LUZP1: variants seen among roughly 807,000 people sequenced by gnomAD.
LUZP1 encodes leucine zipper protein 1.
LUZP1 carries 25 observed loss-of-function variants against 71.3 expected under a neutral mutation model. The ratio of observed to expected loss-of-function variants is 0.35; its 90% CI spans 0.26 to 0.49. The LOEUF is 0.49. Among genes scored for constraint, LUZP1 ranks in the 20% least tolerant of loss-of-function variants. The probability of loss-of-function intolerance (pLI) is 0.99; values close to 1 mark genes in which losing one functional copy is unlikely to be tolerated. For synonymous variants in LUZP1, 481 were observed against 506.4 expected (o/e 0.95, Z 0.67); for missense variants, 1,142 against 1,300.8 (o/e 0.88, Z 1.88).
At chr1:23,143,235 C>T (rs536838766) in intron 2 of LUZP1, among the ~76,000 whole-genome samples, 1 of 152,086 alleles carries the variant, frequency 6.6e-6, no homozygotes, top group South Asian at 2.1e-4. Context: ...TCTCTAACTC[C>T]TTACCTCGTG....
chr1:23,134,357 C>T (rs1557668229), intron 2 of LUZP1, among the ~76,000 whole-genome samples: 1 of 151,888 alleles, frequency 6.6e-6, no homozygotes, highest in Non-Finnish European at 1.5e-5. Context: ...TGGTGCACGT[C>T]TGCAGACCCA....
chr1:23,166,653 CAAAA>C lies in LUZP1; in HGVS notation c.-226+2109_-226+2112del, dbSNP rs538327046. On this transcript the variant is annotated intron_variant, in intron 2 of 4. Transcript: ENST00000302291. ...CTGGGTGACACAGAGCACTCCGTCT[CAAAA>C]AAAAAAAAAAAAAAAAAAAAGGGAT... Among the ~76,000 whole-genome samples the C allele has an allele frequency of 1.8e-3, 126 of 70,870 alleles. 1 individual carries two copies. Among genetic ancestry groups the C allele is most frequent in the East Asian group, 0.012 (29 of 2,518 alleles). The allele number at this position is 70,870 out of a possible 152,430, so 46.5% of individuals were successfully genotyped here. A position where few individuals can be genotyped will look rare whatever the true frequency, so the allele number is the denominator to read the frequency against.
At chr1:23,118,180 T>C (rs1456831291) in intron 2 of LUZP1, among the ~76,000 whole-genome samples, 2 of 151,666 alleles carry the variant, frequency 1.3e-5, no homozygotes, top group African/African-American at 4.9e-5. Context: ...AGTGGGTGGA[T>C]CACTTGAGGT....
chr1:23,139,019 A>AAAAATATAT (rs1317355746), intron 2 of LUZP1, among the ~76,000 whole-genome samples: 90 of 59,936 alleles, frequency 1.5e-3, no homozygotes, highest in African/African-American at 1.9e-3. Context: ...AAAAAAAAAA[A>AAAAATATAT]ATATATATAT....
chr1:23,162,479 C>T (rs1379950703), intron 2 of LUZP1, among the ~76,000 whole-genome samples: 8 of 150,570 alleles, frequency 5.3e-5, no homozygotes, highest in Non-Finnish European at 7.4e-5. Context: ...CGCTCTGTTG[C>T]CCAGGCTGGA....
chr1:23,116,267 G>GCTA lies in LUZP1; in HGVS notation c.-225-7143_-225-7141dup, dbSNP rs775570184. 2.7e-4 allele frequency among the ~76,000 whole-genome samples: 41 copies of GCTA among 152,280 alleles called. No individual in the cohort carries two copies. In the Middle Eastern group the frequency reaches 0.02, roughly 76 times the overall value. On this transcript the variant is annotated intron_variant, in intron 2 of 4. Transcript: ENST00000302291. ...GTGGTGGCGTATGCCTGTAGTCCCA[G>GCTA]CTACTCGGGTGGCTGAAGTGGGAGG...
At chr1:23,172,633 G>A (rs1413571068) in intron 1 of LUZP1, among the ~76,000 whole-genome samples, 1 of 151,412 alleles carries the variant, frequency 6.6e-6, no homozygotes, top group Non-Finnish European at 1.5e-5. Context: ...TCCTGCTTCA[G>A]CCTCCCGAGT....
intron 3 of LUZP1, among the ~76,000 whole-genome samples, chr1:23,097,045 G>T (rs913643386): frequency 8.5e-5 from 13 of 152,288 alleles, no homozygotes; most frequent in Admixed American, 5.9e-4. Context: ...AGCAGGTTTA[G>T]TGTCTGCTGA....
intron 3 of LUZP1, among the ~76,000 whole-genome samples, chr1:23,100,055 T>C (rs780670856): frequency 1.3e-5 from 2 of 152,216 alleles, no homozygotes; most frequent in Non-Finnish European, 2.9e-5. Flanking sequence ...TGGGCCTCTC[T>C]TTTTTGCTTT....
intron 2 of LUZP1, among the ~76,000 whole-genome samples, chr1:23,127,291 G>A (rs896848282): frequency 2.6e-5 from 4 of 152,086 alleles, no homozygotes; most frequent in Non-Finnish European, 5.9e-5. Context: ...TAATTAGCAG[G>A]GCTGGGATTT....
chr1:23,142,698 TATACACACACACACACACACACACAC>T (rs11275986), intron 2 of LUZP1, among the ~76,000 whole-genome samples: 21,619 of 101,452 alleles, frequency 0.21, 1,689 homozygotes, highest in African/African-American at 0.27. Flanking sequence ...TATATATATA[TATACACACACACACACACACACACAC>T]ACACACACAC....
At chr1:23,132,702 T>C (rs1438299078) in intron 2 of LUZP1, among the ~76,000 whole-genome samples, 1 of 152,098 alleles carries the variant, frequency 6.6e-6, no homozygotes, top group African/African-American at 2.4e-5. Context: ...TTGTGATATA[T>C]ATAGAGACAC....
chr1:23,134,265 G>C (rs936905407), intron 2 of LUZP1, among the ~76,000 whole-genome samples: 1 of 152,134 alleles, frequency 6.6e-6, no homozygotes, highest in Non-Finnish European at 1.5e-5. Context: ...AGGATCACTT[G>C]AGCCCAGGAG....
At chr1:23,110,019 T>G (rs994118728) in intron 2 of LUZP1, among the ~76,000 whole-genome samples, 3 of 152,202 alleles carry the variant, frequency 2.0e-5, no homozygotes, top group African/African-American at 7.2e-5. Context: ...TATAAGACAA[T>G]AAGAAGATAA....
chr1:23,138,741 G>A (rs1028701410), intron 2 of LUZP1, among the ~76,000 whole-genome samples: 3 of 148,326 alleles, frequency 2.0e-5, no homozygotes, highest in East Asian at 4.0e-4. Context: ...AGTGGCTCAC[G>A]CCTGTAATCC....
At chr1:23,150,754 GACA>G (rs995575220) in intron 2 of LUZP1, among the ~76,000 whole-genome samples, 1 of 152,144 alleles carries the variant, frequency 6.6e-6, no homozygotes, top group African/African-American at 2.4e-5. Flanking sequence ...GGATACCACA[GACA>G]ACAAGTCTTC....
chr1:23,163,795 T>C (rs56676609), intron 2 of LUZP1, among the ~76,000 whole-genome samples: 1,686 of 152,262 alleles, frequency 0.011, 44 homozygotes, highest in African/African-American at 0.038. Flanking sequence ...TGTAATGACA[T>C]AGACCCCAAA....
At chr1:23,163,376 A>G (rs2473851) in intron 2 of LUZP1, among the ~76,000 whole-genome samples, 77,780 of 149,272 alleles carry the variant, frequency 0.52, 20,951 homozygotes, top group African/African-American at 0.66. Flanking sequence ...GCAAAACCCT[A>G]TCTCTACAAA....
chr1:23,118,199 C>T (rs914679917), intron 2 of LUZP1, among the ~76,000 whole-genome samples: 3 of 151,966 alleles, frequency 2.0e-5, no homozygotes, highest in Non-Finnish European at 4.4e-5. Context: ...GTCAGGAGTT[C>T]GAGACCAGCC....
Sources: allele counts gnomAD v4.1 joint callset (sites outside exome capture counted in the v4.1 genomes callset), GRCh38; gene constraint gnomAD v4.1.1; transcripts MANE v1.5; gene names NCBI Gene and HGNC (gene_info 2026-07-23, HGNC 2026-07-21).